Variants in VEZT observed in about 807,000 individuals in gnomAD.
VEZT encodes the protein vezatin.
In VEZT, 39 loss-of-function variants were observed where a neutral mutation model predicts 79.9. That is an observed-to-expected ratio of 0.49 (90% confidence interval 0.38 to 0.64). The LOEUF (loss-of-function observed/expected upper bound fraction) is 0.64, where lower values mean the gene tolerates loss of function less well. VEZT is among the 30% of genes least tolerant of loss of function. The pLI is 0.00. For missense variants in VEZT, 837 were observed against 893.1 expected (o/e 0.94, Z 0.80); for synonymous variants, 325 against 327.6 (o/e 0.99, Z 0.09).
At position 95,292,357 on chromosome 12, in the gene VEZT, G is replaced by T. The variant is rs570779255; in HGVS notation, c.1523-1915G>T. Among the ~76,000 whole-genome samples, 51 of 151,668 alleles carry T rather than the reference G, an allele frequency of 3.4e-4. 1 individual carries two copies. The highest frequency in any genetic ancestry group is 7.2e-4 in the Admixed American group (11 of 15,210). Reference sequence around the variant, plus strand: ...AATAATAGTCTTATGGATTTATTTGGTTTTTTTTCTTTTCATTCAAAGAAC... The same window carrying T: ...AATAATAGTCTTATGGATTTATTTGTTTTTTTTTCTTTTCATTCAAAGAAC... On this transcript the variant is annotated intron_variant, in intron 9 of 11. Coordinates refer to ENST00000436874, the MANE Select transcript of VEZT (RefSeq NM_017599.4).
At chr12:95,249,793 C>T (rs1328823930) in intron 1 of VEZT, among the ~76,000 whole-genome samples, 1 of 152,036 alleles carries the variant, frequency 6.6e-6, no homozygotes, top group Admixed American at 6.6e-5. Context: ...TTTTTGGTGT[C>T]TTCCTTAATA....
At chr12:95,249,129 T>C (rs114723849) in intron 1 of VEZT, among the ~76,000 whole-genome samples, 2,073 of 152,266 alleles carry the variant, frequency 0.014, 47 homozygotes, top group African/African-American at 0.045. Context: ...ACTTGATTAG[T>C]TGTGACAGAG....
At chr12:95,251,625 T>C (rs2062623921) in intron 1 of VEZT, among the ~76,000 whole-genome samples, 1 of 152,156 alleles carries the variant, frequency 6.6e-6, no homozygotes, top group Non-Finnish European at 1.5e-5. Flanking sequence ...GACTATAAAA[T>C]TTGGGACAGT....
At chr12:95,240,021 AAAGGAAGGAAGGAAGGAAGG>A (rs372963849) in intron 1 of VEZT, among the ~76,000 whole-genome samples, 1,530 of 81,414 alleles carry the variant, frequency 0.019, 14 homozygotes, top group African/African-American at 0.023. Flanking sequence ...AGAGAGAAAG[AAAGGAAGGAAGGAAGGAAGG>A]AAGGAAGGAA....
intron 5 of VEZT, chr12:95,269,734 T>C: frequency 5.0e-6 from 1 of 199,130 alleles, no homozygotes; most frequent in South Asian, 1.3e-4. Flanking sequence ...GGATTCTTAA[T>C]AAATATTTCT....
intron 1 of VEZT, among the ~76,000 whole-genome samples, chr12:95,244,909 T>C (rs1025403457): frequency 1.3e-5 from 2 of 152,114 alleles, no homozygotes; most frequent in Admixed American, 6.6e-5. Context: ...TAAGATGACA[T>C]TTGGTTTAGC....
chr12:95,277,206 T>A (rs1051256976), intron 7 of VEZT, among the ~76,000 whole-genome samples: 2 of 152,206 alleles, frequency 1.3e-5, no homozygotes. Context: ...CTGCAGGAAA[T>A]TATTTAAAAC....
intron 7 of VEZT, among the ~76,000 whole-genome samples, chr12:95,275,245 GT>G (rs35393796): frequency 2.6e-5 from 4 of 151,590 alleles, no homozygotes; most frequent in South Asian, 2.1e-4. Context: ...AAATTCTTAA[GT>G]TTTTTTTTCA....
Position 95,297,871 on chromosome 12 carries a change from A to T in VEZT, c.1831+1613A>T, listed in dbSNP as rs1325986511. Among the ~76,000 whole-genome samples the T allele has an allele frequency of 5.3e-5, 8 of 152,252 alleles. 1 individual carries two copies. In the East Asian group the frequency reaches 1.5e-3, roughly 29 times the overall value. On this transcript the variant is annotated intron_variant, in intron 11 of 11. Coordinates refer to ENST00000436874, the MANE Select transcript of VEZT (RefSeq NM_017599.4). ...ACAGTGGCTCACGCCTCTAATTCCA[A>T]CACTTTGGGAGGCCAAGGCAGGTGG...
intron 2 of VEZT, chr12:95,256,533 C>G (rs1286869944): frequency 1.6e-6 from 2 of 1,258,928 alleles, no homozygotes; most frequent in Admixed American, 5.1e-5. Flanking sequence ...TATCTTTTTT[C>G]CCATGACCCT....
At chr12:95,223,278 T>C (rs765449689) in intron 1 of VEZT, among the ~76,000 whole-genome samples, 2 of 152,216 alleles carry the variant, frequency 1.3e-5, no homozygotes, top group African/African-American at 4.8e-5. Context: ...AATGTTACCT[T>C]TTATTAAATT....
intron 7 of VEZT, among the ~76,000 whole-genome samples, chr12:95,280,549 ACAC>A (rs2068826288): frequency 6.7e-6 from 1 of 149,466 alleles, no homozygotes. Context: ...ACACACACAC[ACAC>A]ACTATTCCTC....
intron 1 of VEZT, among the ~76,000 whole-genome samples, chr12:95,228,391 A>C (rs1306808711): frequency 6.6e-6 from 1 of 152,172 alleles, no homozygotes; most frequent in Non-Finnish European, 1.5e-5. Flanking sequence ...TGATTTGACC[A>C]ATGGAAGAAT....
chr12:95,289,417 CAAAAAAAAAAAAA>C (rs146728004), intron 9 of VEZT, among the ~76,000 whole-genome samples: 7 of 69,464 alleles, frequency 1.0e-4, no homozygotes, highest in Non-Finnish European at 1.8e-4. Flanking sequence ...ACTCTTGTCT[CAAAAAAAAAAAAA>C]AAAAAAAAAA....
At chr12:95,218,844 T>G (rs1340253462) in intron 1 of VEZT, among the ~76,000 whole-genome samples, 1 of 152,170 alleles carries the variant, frequency 6.6e-6, no homozygotes, top group Non-Finnish European at 1.5e-5. Flanking sequence ...TCTTTAACTA[T>G]GAATTGGATT....
intron 1 of VEZT, among the ~76,000 whole-genome samples, chr12:95,225,357 T>C (rs1237520537): frequency 1.3e-5 from 2 of 152,044 alleles, no homozygotes; most frequent in East Asian, 3.9e-4. Context: ...GATTGAGACC[T>C]TCCTGGCTAA....
At chr12:95,255,641 C>T (rs2063344133) in intron 2 of VEZT, among the ~76,000 whole-genome samples, 1 of 152,098 alleles carries the variant, frequency 6.6e-6, no homozygotes, top group African/African-American at 2.4e-5. Flanking sequence ...CTATGTTGGC[C>T]AGGCTGATCT....
intron 1 of VEZT, among the ~76,000 whole-genome samples, chr12:95,234,259 G>A (rs1043712472): frequency 2.0e-5 from 3 of 146,748 alleles, no homozygotes; most frequent in African/African-American, 7.5e-5. Flanking sequence ...GTTGCATCAT[G>A]TTAGCCAAAT....
chr12:95,288,511 A>T (rs1424271773), intron 9 of VEZT, among the ~76,000 whole-genome samples: 1 of 152,176 alleles, frequency 6.6e-6, no homozygotes, highest in African/African-American at 2.4e-5. Context: ...AATCAGTACC[A>T]TATTTATCTC....
Sources: gnomAD v4.1 joint callset for allele counts (sites outside exome capture counted in the v4.1 genomes callset) on GRCh38, gnomAD v4.1.1 for gene constraint, MANE v1.5 for transcripts, NCBI Gene and HGNC (gene_info 2026-07-23, HGNC 2026-07-21) for gene names.